DIAPH3: variants seen among roughly 807,000 people sequenced by gnomAD.
DIAPH3 encodes protein diaphanous homolog 3.
Under a neutral mutation model 144.3 loss-of-function variants are expected in DIAPH3, and 117 were observed. That is an observed-to-expected ratio of 0.81 (90% confidence interval 0.70 to 0.95). DIAPH3 has a LOEUF of 0.95. Ranked by LOEUF, DIAPH3 falls within the 40% of genes least tolerant of loss-of-function variation. The pLI, the probability that DIAPH3 is intolerant of heterozygous loss-of-function variation, is 0.00. For synonymous variants in DIAPH3, 519 were observed against 488.9 expected (o/e 1.06, Z -0.81); for missense variants, 1,421 against 1,412.7 (o/e 1.01, Z -0.09).
intron 17 of DIAPH3, among the ~76,000 whole-genome samples, chr13:59,968,813 T>C (rs1240101469): frequency 6.6e-6 from 1 of 152,210 alleles, no homozygotes; most frequent in East Asian, 1.9e-4. Context: ...CAGCATTCTT[T>C]GGCTGCTGTG....
chr13:59,974,722 C>T (rs1243395003), intron 14 of DIAPH3, among the ~76,000 whole-genome samples: 1 of 151,998 alleles, frequency 6.6e-6, no homozygotes, highest in Non-Finnish European at 1.5e-5. Context: ...AAACTGGCCA[C>T]AGTTATCTGC....
At chr13:60,099,235 G>A (rs1439490431) in intron 3 of DIAPH3, among the ~76,000 whole-genome samples, 1 of 152,164 alleles carries the variant, frequency 6.6e-6, no homozygotes, top group Non-Finnish European at 1.5e-5. Flanking sequence ...ATGCAGAAAT[G>A]CATTTAATAC....
intron 3 of DIAPH3, among the ~76,000 whole-genome samples, chr13:60,105,034 T>G (rs1276708188): frequency 1.5e-5 from 2 of 134,682 alleles, no homozygotes; most frequent in Non-Finnish European, 3.1e-5. Flanking sequence ...AGGCAGAGCT[T>G]GCAGTGAGCT....
chr13:59,888,171 G>T (rs1449057549), intron 20 of DIAPH3, among the ~76,000 whole-genome samples: 1 of 152,012 alleles, frequency 6.6e-6, no homozygotes, highest in Non-Finnish European at 1.5e-5. Context: ...GGGCCTTTGG[G>T]GGTGATTGGA....
chr13:59,700,058 G>A (rs908404291), intron 27 of DIAPH3, among the ~76,000 whole-genome samples: 5 of 152,056 alleles, frequency 3.3e-5, no homozygotes, highest in South Asian at 2.1e-4. Flanking sequence ...AATTCCTCAC[G>A]TCTGAATGGA....
At chr13:59,757,538 C>T (rs995323572) in intron 27 of DIAPH3, among the ~76,000 whole-genome samples, 3 of 151,552 alleles carry the variant, frequency 2.0e-5, no homozygotes, top group African/African-American at 4.8e-5. Context: ...GTAGCTGGGA[C>T]TACAGGCGCC....
intron 17 of DIAPH3, among the ~76,000 whole-genome samples, chr13:59,945,670 T>C (rs975856997): frequency 6.8e-6 from 1 of 147,648 alleles, no homozygotes; most frequent in African/African-American, 2.5e-5. Context: ...CTTAATACAA[T>C]AGGAATCACA....
intron 2 of DIAPH3, among the ~76,000 whole-genome samples, chr13:60,120,079 A>T (rs1456706136): frequency 6.6e-6 from 1 of 152,198 alleles, no homozygotes; most frequent in Non-Finnish European, 1.5e-5. Flanking sequence ...TGAACTAGCA[A>T]CAGGAATGAA....
At chr13:60,006,469 A>G (rs1201740730) in intron 9 of DIAPH3, among the ~76,000 whole-genome samples, 1 of 152,220 alleles carries the variant, frequency 6.6e-6, no homozygotes, top group African/African-American at 2.4e-5. Flanking sequence ...AGATAAAGTA[A>G]TGGTTCAACT....
At chr13:60,081,209 G>C (rs1672979596) in intron 4 of DIAPH3, among the ~76,000 whole-genome samples, 1 of 151,898 alleles carries the variant, frequency 6.6e-6, no homozygotes, top group Non-Finnish European at 1.5e-5. Context: ...ATTCAGAAAG[G>C]GATGCATCCT....
intron 4 of DIAPH3, among the ~76,000 whole-genome samples, chr13:60,068,274 G>C (rs974497476): frequency 1.8e-4 from 28 of 152,130 alleles, no homozygotes; most frequent in African/African-American, 6.0e-4. Flanking sequence ...TTTTTTCATA[G>C]ACATTTCAGA....
intron 2 of DIAPH3, among the ~76,000 whole-genome samples, chr13:60,113,026 T>C (rs1298876371): frequency 6.6e-6 from 1 of 152,216 alleles, no homozygotes; most frequent in Non-Finnish European, 1.5e-5. Context: ...AATAGAAGTA[T>C]ACTCAAACAG....
At chr13:60,079,680 GC>G (rs1246200950) in intron 4 of DIAPH3, among the ~76,000 whole-genome samples, 3 of 151,790 alleles carry the variant, frequency 2.0e-5, no homozygotes, top group Admixed American at 6.6e-5. Context: ...AAAAGTAAGA[GC>G]CACTCCTACT....
At position 59,699,415 on chromosome 13, in the gene DIAPH3, G is replaced by T. The variant is rs2033983532; in HGVS notation, c.3320-32569C>A. Among the ~76,000 whole-genome samples, 3 of 152,188 alleles carry T rather than the reference G, an allele frequency of 2.0e-5. No homozygotes were observed. In the East Asian group the frequency reaches 5.8e-4, roughly 29 times the overall value. On this transcript the variant is annotated intron_variant, in intron 27 of 27. Transcript: ENST00000400324. Reference sequence around the variant, plus strand: ...GCCAGGGCTGGAGTAGCAGAAATGAGGTCAGAGAGATGATGGGGACAGATG... The same window carrying T: ...GCCAGGGCTGGAGTAGCAGAAATGATGTCAGAGAGATGATGGGGACAGATG...
chr13:59,681,034 G>T (rs2032916600), intron 27 of DIAPH3, among the ~76,000 whole-genome samples: 1 of 151,956 alleles, frequency 6.6e-6, no homozygotes, highest in South Asian at 2.1e-4. Context: ...CTAATCTCTT[G>T]CCTTTTTTCT....
chr13:59,996,954 A>G (rs868833537), intron 9 of DIAPH3, among the ~76,000 whole-genome samples: 2 of 152,102 alleles, frequency 1.3e-5, no homozygotes, highest in South Asian at 2.1e-4. Context: ...AATTTACTGC[A>G]ATTACTATGT....
chr13:59,761,854 A>T (rs893976140), intron 27 of DIAPH3, among the ~76,000 whole-genome samples: 1 of 152,108 alleles, frequency 6.6e-6, no homozygotes, highest in Non-Finnish European at 1.5e-5. Context: ...AAGGAGATAG[A>T]TAACTAAATG....
At chr13:59,979,451 G>A (rs894444773) in intron 14 of DIAPH3, among the ~76,000 whole-genome samples, 1 of 151,500 alleles carries the variant, frequency 6.6e-6, no homozygotes, top group African/African-American at 2.4e-5. Flanking sequence ...GTAACACTAT[G>A]AGACTAAATT....
At chr13:59,731,443 T>C (rs1357572752) in intron 27 of DIAPH3, among the ~76,000 whole-genome samples, 1 of 152,188 alleles carries the variant, frequency 6.6e-6, no homozygotes. Context: ...TCCAATTATA[T>C]AATTATATTA....
Sources: gnomAD v4.1 joint callset for allele counts (sites outside exome capture counted in the v4.1 genomes callset) on GRCh38, gnomAD v4.1.1 for gene constraint, MANE v1.5 for transcripts, NCBI Gene and HGNC (gene_info 2026-07-23, HGNC 2026-07-21) for gene names.